CNBD1: variants seen among roughly 807,000 people sequenced by gnomAD.
CNBD1 encodes cyclic nucleotide binding domain containing 1.
CNBD1 carries 71 observed loss-of-function variants against 54.4 expected under a neutral mutation model. The observed-to-expected ratio is 1.30, with a 90% confidence interval of 1.08 to 1.59. The LOEUF is 1.59. Among genes scored for constraint, CNBD1 ranks in the 40% most tolerant of loss-of-function variants. CNBD1 has a pLI of 0.00. For synonymous variants in CNBD1, 182 were observed against 170.7 expected, an observed-to-expected ratio of 1.07 and a Z score of -0.51; for missense variants, 659 against 518.0, an observed-to-expected ratio of 1.27 and a Z score of -2.64.
At chr8:87,064,403 CAAAGT>C (rs923175999) in intron 4 of CNBD1, among the ~76,000 whole-genome samples, 9 of 151,936 alleles carry the variant, frequency 5.9e-5, no homozygotes, top group African/African-American at 2.2e-4. Context: ...CTCAATTTAT[CAAAGT>C]ATAATGCGAA....
At chr8:87,079,048 ATT>A (rs35506402) in intron 4 of CNBD1, among the ~76,000 whole-genome samples, 1 of 148,698 alleles carries the variant, frequency 6.7e-6, no homozygotes, top group Non-Finnish European at 1.5e-5. Context: ...GAAACTACCA[ATT>A]TTTTTTTTTG....
At chr8:86,900,859 GT>G (rs903936191) in intron 2 of CNBD1, among the ~76,000 whole-genome samples, 7 of 152,040 alleles carry the variant, frequency 4.6e-5, no homozygotes, top group African/African-American at 9.7e-5. Flanking sequence ...AGTTAACTTT[GT>G]CAAACAGATC....
intron 8 of CNBD1, among the ~76,000 whole-genome samples, chr8:87,337,983 A>G (rs1809983751): frequency 6.6e-6 from 1 of 152,034 alleles, no homozygotes; most frequent in South Asian, 2.1e-4. Flanking sequence ...TGTCTTCTAT[A>G]TTGTCTTTGA....
At chr8:86,961,368 A>G (rs1807924545) in intron 4 of CNBD1, among the ~76,000 whole-genome samples, 1 of 152,232 alleles carries the variant, frequency 6.6e-6, no homozygotes, top group African/African-American at 2.4e-5. Flanking sequence ...AAACAGCACC[A>G]AAGGAGAACA....
At chr8:87,147,779 A>G (rs1158516641) in intron 4 of CNBD1, among the ~76,000 whole-genome samples, 1 of 152,174 alleles carries the variant, frequency 6.6e-6, no homozygotes, top group Non-Finnish European at 1.5e-5. Flanking sequence ...GCCCAAAAAA[A>G]GGAAACTGTC....
chr8:87,271,739 G>A (rs948278937), intron 6 of CNBD1, among the ~76,000 whole-genome samples: 18 of 151,452 alleles, frequency 1.2e-4, no homozygotes, highest in South Asian at 2.1e-4. Flanking sequence ...ATATGCTCCC[G>A]CAATTCTACT....
intron 10 of CNBD1, among the ~76,000 whole-genome samples, chr8:87,366,705 G>A (rs1348438814): frequency 6.6e-6 from 1 of 151,988 alleles, no homozygotes; most frequent in Non-Finnish European, 1.5e-5. Flanking sequence ...GTCAGCAGTG[G>A]GTAAGGAGAG....
chr8:87,371,569 A>G (rs1315583852), intron 10 of CNBD1, among the ~76,000 whole-genome samples: 1 of 152,044 alleles, frequency 6.6e-6, no homozygotes, highest in Non-Finnish European at 1.5e-5. Context: ...CTTGATTAAC[A>G]TTGATGCAGA....
intron 4 of CNBD1, among the ~76,000 whole-genome samples, chr8:87,052,712 T>A (rs1487175771): frequency 1.3e-5 from 2 of 152,200 alleles, no homozygotes; most frequent in Non-Finnish European, 2.9e-5. Context: ...CCAACTTTTC[T>A]GCTGCCTGTA....
At chr8:87,361,628 G>T (rs1158785570) in intron 10 of CNBD1, among the ~76,000 whole-genome samples, 3 of 150,962 alleles carry the variant, frequency 2.0e-5, no homozygotes, top group Admixed American at 6.6e-5. Context: ...TATAGATTTT[G>T]CATATACTTT....
chr8:87,046,362 C>T (rs552671496), intron 4 of CNBD1, among the ~76,000 whole-genome samples: 6 of 152,260 alleles, frequency 3.9e-5, no homozygotes, highest in African/African-American at 1.4e-4. Flanking sequence ...GATCTCCATA[C>T]CATGTTATGG....
At chr8:87,093,666 A>G (rs928984365) in intron 4 of CNBD1, among the ~76,000 whole-genome samples, 22 of 152,200 alleles carry the variant, frequency 1.4e-4, no homozygotes, top group African/African-American at 5.3e-4. Flanking sequence ...ACAATCAACC[A>G]TGACAGAGAG....
rs537866198 is a variant in CNBD1 at position 87,026,153 on chromosome 8, C to A, written c.431+86399C>A. On this transcript the variant is annotated intron_variant, in intron 4 of 10. Coordinates refer to ENST00000518476, the MANE Select transcript of CNBD1 (RefSeq NM_173538.3). ...AGCATTCTTTTTAAAAGGTTCTTTT[C>A]AATAGCATACAAATCAAAGAGATCT... Among the ~76,000 whole-genome samples the A allele has an allele frequency of 8.5e-5, 13 of 152,118 alleles. No homozygotes were observed. In the South Asian group the frequency reaches 2.3e-3, roughly 27 times the overall value.
chr8:87,068,355 C>T (rs183251639), intron 4 of CNBD1, among the ~76,000 whole-genome samples: 13 of 151,818 alleles, frequency 8.6e-5, no homozygotes, highest in South Asian at 2.1e-4. Flanking sequence ...TTTTTCATTT[C>T]GGAAGTATTA....
chr8:87,290,654 G>T (rs1808768755), intron 8 of CNBD1, among the ~76,000 whole-genome samples: 1 of 152,088 alleles, frequency 6.6e-6, no homozygotes, highest in Non-Finnish European at 1.5e-5. Context: ...GGGAGTATAT[G>T]CTAGTAACAA....
chr8:87,209,444 C>T (rs1001341145), intron 5 of CNBD1, among the ~76,000 whole-genome samples: 7 of 152,000 alleles, frequency 4.6e-5, no homozygotes, highest in Non-Finnish European at 1.0e-4. Context: ...TAAAAAATTA[C>T]TTAGGTGTAA....
chr8:86,896,597 A>C (rs1343138900), intron 2 of CNBD1, among the ~76,000 whole-genome samples: 1 of 151,768 alleles, frequency 6.6e-6, no homozygotes, highest in African/African-American at 2.4e-5. Context: ...TTCCTTTTTC[A>C]TTTGTGTTGT....
chr8:87,048,095 A>G (rs58513352), intron 4 of CNBD1, among the ~76,000 whole-genome samples: 6,104 of 152,148 alleles, frequency 0.04, 179 homozygotes, highest in African/African-American at 0.082. Context: ...CCTTTGAGAG[A>G]GTAGAGAGGA....
intron 8 of CNBD1, among the ~76,000 whole-genome samples, chr8:87,329,106 A>G (rs113990486): frequency 0.017 from 2,651 of 152,016 alleles, 77 homozygotes; most frequent in African/African-American, 0.058. Flanking sequence ...TGTGAAAAGT[A>G]TATGGTCTTT....
Sources: allele counts gnomAD v4.1 joint callset (sites outside exome capture counted in the v4.1 genomes callset), GRCh38; gene constraint gnomAD v4.1.1; transcripts MANE v1.5; gene names NCBI Gene and HGNC (gene_info 2026-07-23, HGNC 2026-07-21).